The following SPOP variants were observed in gnomAD, a reference collection of about 807,000 sequenced individuals.
The protein encoded by SPOP is speckle type BTB/POZ protein.
SPOP carries 11 observed loss-of-function variants against 45.6 expected under a neutral mutation model. That is an observed-to-expected ratio of 0.24 (90% confidence interval 0.15 to 0.40). The LOEUF (loss-of-function observed/expected upper bound fraction) is 0.40, where lower values mean the gene tolerates loss of function less well. Ranked by LOEUF, SPOP falls within the 10% of genes least tolerant of loss-of-function variation. The pLI is 1.00. For missense variants in SPOP, 152 were observed against 465.6 expected, an observed-to-expected ratio of 0.33 and a Z score of 6.20; for synonymous variants, 166 against 166.3, an observed-to-expected ratio of 1.00 and a Z score of 0.01.
intron 1 of SPOP, among the ~76,000 whole-genome samples, chr17:49,675,510 A>C (rs559004855): frequency 1.3e-5 from 2 of 152,360 alleles, no homozygotes; most frequent in Non-Finnish European, 2.9e-5. Context: ...GGATAAAAAG[A>C]GGATGGTAAG....
At chr17:49,673,742 G>A (rs966952581) in intron 1 of SPOP, among the ~76,000 whole-genome samples, 2 of 152,146 alleles carry the variant, frequency 1.3e-5, no homozygotes, top group African/African-American at 4.8e-5. Flanking sequence ...CCTTAATCAT[G>A]TCTTCACAAG....
rs114538908 is a variant in SPOP at position 49,673,215 on chromosome 17, T to C, written c.-67+4718A>G. 7.4e-3 allele frequency among the ~76,000 whole-genome samples: 1,121 copies of C among 152,148 alleles called. 3 individuals are homozygous for C. Among genetic ancestry groups the C allele is most frequent in the African/African-American group, 0.025 (1,043 of 41,530 alleles). On this transcript the variant is annotated intron_variant, in intron 1 of 9. Transcript: ENST00000504102. Reference sequence around the variant, plus strand: ...ATACAAAAATTTATATATTTAAATATATATGCACGGCTGGGCACGGTGGCT... The same window carrying C: ...ATACAAAAATTTATATATTTAAATACATATGCACGGCTGGGCACGGTGGCT...
intron 5 of SPOP, among the ~76,000 whole-genome samples, chr17:49,618,764 C>T (rs372370454): frequency 1.3e-5 from 2 of 152,206 alleles, no homozygotes; most frequent in African/African-American, 2.4e-5. Flanking sequence ...AGCATACATA[C>T]AACCTTTGTT....
At chr17:49,641,091 C>G (rs1042151438) in intron 1 of SPOP, among the ~76,000 whole-genome samples, 1 of 151,468 alleles carries the variant, frequency 6.6e-6, no homozygotes, top group Non-Finnish European at 1.5e-5. Flanking sequence ...GGTGAAACCC[C>G]GTCTCTACTA....
intron 5 of SPOP, among the ~76,000 whole-genome samples, chr17:49,613,355 A>G (rs1451182112): frequency 6.6e-6 from 1 of 152,136 alleles, no homozygotes; most frequent in African/African-American, 2.4e-5. Context: ...GGGATGGCCA[A>G]TGAAGGGAAT....
At chr17:49,640,760 C>A (rs1056141372) in intron 1 of SPOP, among the ~76,000 whole-genome samples, 5 of 152,200 alleles carry the variant, frequency 3.3e-5, no homozygotes, top group Non-Finnish European at 2.9e-5. Context: ...TCATTTCCAA[C>A]TACGTTTTCC....
intron 1 of SPOP, among the ~76,000 whole-genome samples, chr17:49,664,250 CT>C (rs1477533898): frequency 9.2e-5 from 14 of 152,188 alleles, no homozygotes; most frequent in Non-Finnish European, 2.1e-4. Context: ...CCTTTTCCAA[CT>C]ACATGTTCTT....
rs1439772187 is a variant in SPOP at position 49,607,236 on chromosome 17, T to C, written c.837+14A>G. ...TAACTCCTAGTCCTGATTATTTTTC[T>C]ATTCTTATCTTACCTTGTCAGCAGC... On this transcript the variant is annotated intron_variant, in intron 8 of 9. Coordinates refer to ENST00000504102, the MANE Select transcript of SPOP (RefSeq NM_001007228.2). 2.5e-6 allele frequency: 4 copies of C among 1,613,982 alleles called. No homozygotes were observed. Among genetic ancestry groups the C allele is most frequent in the Admixed American group, 3.3e-5 (2 of 60,008 alleles).
chr17:49,614,843 G>A (rs28405858), intron 5 of SPOP, among the ~76,000 whole-genome samples: 4 of 129,136 alleles, frequency 3.1e-5, no homozygotes, highest in Admixed American at 2.4e-4. Flanking sequence ...GTGTGTGTGT[G>A]TATAAAACTA....
intron 1 of SPOP, among the ~76,000 whole-genome samples, chr17:49,663,076 A>AGGG (rs542494647): frequency 3.5e-4 from 54 of 152,372 alleles, no homozygotes; most frequent in African/African-American, 1.3e-3. Flanking sequence ...GCCTTAGCAC[A>AGGG]GGGGTCCCCA....
intron 1 of SPOP, among the ~76,000 whole-genome samples, chr17:49,641,827 G>A (rs573633518): frequency 3.3e-5 from 5 of 152,172 alleles, no homozygotes; most frequent in South Asian, 4.2e-4. Flanking sequence ...TTTGAGACCA[G>A]CCTGGCCAAA....
intron 8 of SPOP, 85 bp from the exon 9 acceptor site, chr17:49,602,092 T>A (rs903396493): frequency 6.8e-7 from 1 of 1,471,770 alleles, no homozygotes; most frequent in African/African-American, 1.4e-5. Flanking sequence ...AGCTGTACCA[T>A]CATATTAACT....
At chr17:49,667,746 GCATATACC>G (rs2073081739) in intron 1 of SPOP, among the ~76,000 whole-genome samples, 1 of 152,062 alleles carries the variant, frequency 6.6e-6, no homozygotes, top group South Asian at 2.1e-4. Flanking sequence ...CCACTTCTGG[GCATATACC>G]CAAAAGAACT....
At chr17:49,652,122 C>T (rs1254311022) in intron 1 of SPOP, among the ~76,000 whole-genome samples, 1 of 151,990 alleles carries the variant, frequency 6.6e-6, no homozygotes, top group Non-Finnish European at 1.5e-5. Flanking sequence ...ACTTTTTAAG[C>T]ACGGGTATGA....
At chr17:49,622,646 A>T in intron 2 of SPOP, 87 bp downstream of exon 2, 1 of 1,128,338 alleles carries the variant, frequency 8.9e-7, no homozygotes, top group Non-Finnish European at 1.3e-6. Context: ...GAAAGCAAGA[A>T]GCCCAATGTA....
chr17:49,615,115 T>C (rs936953738), intron 5 of SPOP, among the ~76,000 whole-genome samples: 1 of 152,134 alleles, frequency 6.6e-6, no homozygotes, highest in African/African-American at 2.4e-5. Flanking sequence ...TACCTTGGCC[T>C]CCGAAAGTGC....
At chr17:49,613,396 T>A (rs1387229807) in intron 5 of SPOP, among the ~76,000 whole-genome samples, 1 of 152,188 alleles carries the variant, frequency 6.6e-6, no homozygotes, top group Non-Finnish European at 1.5e-5. Context: ...GGTTCCTAGC[T>A]TGAATTAAAC....
intron 1 of SPOP, among the ~76,000 whole-genome samples, chr17:49,639,589 T>C (rs190607655): frequency 1.3e-5 from 2 of 152,330 alleles, no homozygotes; most frequent in Admixed American, 1.3e-4. Context: ...ATGAAAGTTA[T>C]GAACATATAT....
chr17:49,605,754 G>C (rs901111698), intron 8 of SPOP, among the ~76,000 whole-genome samples: 6 of 151,982 alleles, frequency 3.9e-5, no homozygotes, highest in Non-Finnish European at 8.8e-5. Flanking sequence ...TTGGGAGGCA[G>C]AGGTGGGCGG....
Sources: allele counts gnomAD v4.1 joint callset (sites outside exome capture counted in the v4.1 genomes callset), GRCh38; gene constraint gnomAD v4.1.1; transcripts MANE v1.5; gene names NCBI Gene and HGNC (gene_info 2026-07-23, HGNC 2026-07-21).